The following WWOX variants were observed in gnomAD, a reference collection of about 807,000 sequenced individuals.
WWOX encodes the protein WW domain-containing oxidoreductase.
In WWOX, 69 loss-of-function variants were observed where a neutral mutation model predicts 46.2. That is an observed-to-expected ratio of 1.49 (90% CI 1.23 to 1.82). The LOEUF is 1.82. Among genes scored for constraint, WWOX ranks in the 40% most tolerant of loss-of-function variants. The probability of loss-of-function intolerance (pLI) is 0.00; values close to 1 mark genes in which losing one functional copy is unlikely to be tolerated. For missense variants in WWOX, 919 were observed against 542.6 expected (o/e 1.69, Z -6.89); for synonymous variants, 359 against 202.6 (o/e 1.77, Z -6.56).
intron 8 of WWOX, among the ~76,000 whole-genome samples, chr16:78,545,961 C>G (rs1343137416): frequency 6.6e-6 from 1 of 152,124 alleles, no homozygotes. Context: ...AAGGCTTTGT[C>G]TTGAAATACA....
chr16:78,502,748 A>C (rs1018967510), intron 8 of WWOX, among the ~76,000 whole-genome samples: 1 of 152,206 alleles, frequency 6.6e-6, no homozygotes, highest in Non-Finnish European at 1.5e-5. Flanking sequence ...GTTGTGCATC[A>C]GAAAAAAGTC....
At chr16:79,197,854 C>G (rs1030538665) in intron 8 of WWOX, among the ~76,000 whole-genome samples, 1 of 152,104 alleles carries the variant, frequency 6.6e-6, no homozygotes, top group African/African-American at 2.4e-5. Flanking sequence ...CTCCAGGGAT[C>G]TTGTGTCCTG....
intron 8 of WWOX, among the ~76,000 whole-genome samples, chr16:79,009,994 A>C (rs1007553886): frequency 6.6e-6 from 1 of 152,156 alleles, no homozygotes; most frequent in Admixed American, 6.5e-5. Flanking sequence ...GTATCCTAGG[A>C]CTTCAGAAGC....
intron 8 of WWOX, among the ~76,000 whole-genome samples, chr16:78,929,680 G>A (rs2045576700): frequency 6.6e-6 from 1 of 152,154 alleles, no homozygotes; most frequent in South Asian, 2.1e-4. Flanking sequence ...ACTGCATGCT[G>A]CAGCCAGCTC....
intron 8 of WWOX, among the ~76,000 whole-genome samples, chr16:78,640,048 C>T (rs1258476137): frequency 3.3e-5 from 5 of 152,082 alleles, no homozygotes; most frequent in Admixed American, 6.6e-5. Flanking sequence ...GACACAGCAA[C>T]ACCAGGCAGA....
At chr16:79,178,539 A>C (rs567281328) in intron 8 of WWOX, among the ~76,000 whole-genome samples, 1 of 151,984 alleles carries the variant, frequency 6.6e-6, no homozygotes, top group Non-Finnish European at 1.5e-5. Flanking sequence ...CTGGTCTCAA[A>C]CTCCTGAGCT....
chr16:78,635,881 C>G (rs890079877), intron 8 of WWOX, among the ~76,000 whole-genome samples: 1 of 152,128 alleles, frequency 6.6e-6, no homozygotes, highest in Non-Finnish European at 1.5e-5. Context: ...GAAAAAGATG[C>G]TTTGGAAACC....
chr16:79,191,299 G>A (rs2051131451), intron 8 of WWOX, among the ~76,000 whole-genome samples: 1 of 151,938 alleles, frequency 6.6e-6, no homozygotes, highest in African/African-American at 2.4e-5. Flanking sequence ...CAGGCAATCT[G>A]CCCGCCTCTG....
chr16:78,318,841 C>G (rs1336223121), intron 5 of WWOX, among the ~76,000 whole-genome samples: 3 of 152,142 alleles, frequency 2.0e-5, no homozygotes, highest in Non-Finnish European at 4.4e-5. Context: ...AACTACAGTA[C>G]AGGATCCAAA....
chr16:78,514,464 T>G (rs2085440431), intron 8 of WWOX, among the ~76,000 whole-genome samples: 1 of 152,168 alleles, frequency 6.6e-6, no homozygotes, highest in South Asian at 2.1e-4. Flanking sequence ...GTAAAAGCAG[T>G]GCAGTGAGCT....
chr16:78,321,627 T>C (rs1047492127), intron 5 of WWOX, among the ~76,000 whole-genome samples: 6 of 151,982 alleles, frequency 3.9e-5, no homozygotes, highest in African/African-American at 1.2e-4. Flanking sequence ...TTATGTATTA[T>C]CTTATTACTC....
At chr16:79,123,473 C>G (rs982930752) in intron 8 of WWOX, among the ~76,000 whole-genome samples, 1 of 152,102 alleles carries the variant, frequency 6.6e-6, no homozygotes, top group East Asian at 1.9e-4. Flanking sequence ...GCTTGCCAGA[C>G]ACTGATCTAG....
chr16:78,267,279 A>G (rs962141245), intron 5 of WWOX: 35 of 152,232 alleles, frequency 2.3e-4, no homozygotes, highest in African/African-American at 8.4e-4. Context: ...AATACTTTTT[A>G]GTTGTTCTTT....
intron 8 of WWOX, among the ~76,000 whole-genome samples, chr16:78,840,511 C>T (rs1293298454): frequency 6.6e-6 from 1 of 152,194 alleles, no homozygotes; most frequent in African/African-American, 2.4e-5. Flanking sequence ...GTAGTGTCTA[C>T]AGAGCCAGTG....
At chr16:78,508,584 G>T (rs1441062783) in intron 8 of WWOX, among the ~76,000 whole-genome samples, 1 of 152,144 alleles carries the variant, frequency 6.6e-6, no homozygotes, top group Non-Finnish European at 1.5e-5. Context: ...CTCAAACCAG[G>T]TTTTGCCTGA....
intron 8 of WWOX, among the ~76,000 whole-genome samples, chr16:78,991,179 A>C (rs1048536241): frequency 6.6e-6 from 1 of 152,184 alleles, no homozygotes; most frequent in African/African-American, 2.4e-5. Context: ...GTCAAAGAAG[A>C]AATTTGGAGA....
intron 8 of WWOX, among the ~76,000 whole-genome samples, chr16:78,893,120 C>G (rs563266531): frequency 6.6e-6 from 1 of 151,722 alleles, no homozygotes; most frequent in East Asian, 1.9e-4. Flanking sequence ...TAGTTACCCA[C>G]ACAGAAAAGG....
intron 8 of WWOX, among the ~76,000 whole-genome samples, chr16:79,039,386 C>A (rs1020007492): frequency 6.6e-6 from 1 of 152,120 alleles, no homozygotes; most frequent in Non-Finnish European, 1.5e-5. Flanking sequence ...GAAAACGACC[C>A]CCTTCCCCCA....
intron 8 of WWOX, among the ~76,000 whole-genome samples, chr16:78,675,427 T>C (rs987800354): frequency 5.3e-5 from 8 of 152,214 alleles, no homozygotes; most frequent in African/African-American, 1.7e-4. Flanking sequence ...AAATATTTAA[T>C]CTAATTTATT....
Sources: allele counts gnomAD v4.1 joint callset (sites outside exome capture counted in the v4.1 genomes callset), GRCh38; gene constraint gnomAD v4.1.1; transcripts MANE v1.5; gene names NCBI Gene and HGNC (gene_info 2026-07-23, HGNC 2026-07-21).